YES1: variants seen among roughly 807,000 people sequenced by gnomAD.
The protein encoded by YES1 is tyrosine-protein kinase Yes.
Under a neutral mutation model 70.4 loss-of-function variants are expected in YES1, and 39 were observed. The ratio of observed to expected loss-of-function variants is 0.55; its 90% CI spans 0.43 to 0.72. The LOEUF is 0.72. Ranked by LOEUF, YES1 falls within the 30% of genes least tolerant of loss-of-function variation. The pLI, the probability that YES1 is intolerant of heterozygous loss-of-function variation, is 0.00. For missense variants in YES1, 495 were observed against 644.8 expected (o/e 0.77, Z 2.52); for synonymous variants, 198 against 218.6 (o/e 0.91, Z 0.83).
chr18:788,968 C>T (rs1906103305), intron 1 of YES1, among the ~76,000 whole-genome samples: 2 of 152,030 alleles, frequency 1.3e-5, no homozygotes, highest in South Asian at 4.2e-4. Flanking sequence ...TTGCTCAGAG[C>T]ATGTAAAAAG....
At chr18:762,623 T>C (rs1598915449) in intron 1 of YES1, among the ~76,000 whole-genome samples, 1 of 152,202 alleles carries the variant, frequency 6.6e-6, no homozygotes, top group South Asian at 2.1e-4. Context: ...ATAACATACA[T>C]TATGGGATTA....
intron 1 of YES1, among the ~76,000 whole-genome samples, chr18:788,296 G>C (rs1906068770): frequency 6.6e-6 from 1 of 152,000 alleles, no homozygotes; most frequent in African/African-American, 2.4e-5. Flanking sequence ...CTTTTAGCGT[G>C]GGCTATAAAA....
intron 1 of YES1, among the ~76,000 whole-genome samples, chr18:803,443 A>G (rs1446463227): frequency 1.3e-5 from 2 of 152,236 alleles, no homozygotes; most frequent in Non-Finnish European, 2.9e-5. Flanking sequence ...AAGAAGTTAC[A>G]AACTCCATAT....
chr18:802,342 T>A lies in YES1; in HGVS notation c.-9+9772A>T, dbSNP rs142458568. ...CAGCACTCTGGGAGGCCAAGGCAGG[T>A]GGATCACCTGAGGTCGGGAGTTCCA... On this transcript the variant is annotated intron_variant, in intron 1 of 11. Coordinates refer to ENST00000314574, the MANE Select transcript of YES1 (RefSeq NM_005433.4). Among the ~76,000 whole-genome samples, 686 of 152,072 alleles carry A rather than the reference T, an allele frequency of 4.5e-3. 4 individuals are homozygous for A. Among genetic ancestry groups the A allele is most frequent in the African/African-American group, 0.016 (655 of 41,478 alleles).
chr18:787,435 C>A (rs748767422), intron 1 of YES1, among the ~76,000 whole-genome samples: 1 of 151,816 alleles, frequency 6.6e-6, no homozygotes, highest in African/African-American at 2.4e-5. Flanking sequence ...TTGGGCTGGG[C>A]GCGGTGGCTC....
intron 11 of YES1, 57 bp from the exon 12 acceptor site, chr18:724,689 CA>C (rs1253383584): frequency 1.6e-5 from 23 of 1,402,100 alleles, no homozygotes; most frequent in Non-Finnish European, 2.2e-5. Flanking sequence ...ACTAGGAAAA[CA>C]TAACAAACCC....
chr18:765,714 A>G (rs183593079), intron 1 of YES1, among the ~76,000 whole-genome samples: 1 of 152,288 alleles, frequency 6.6e-6, no homozygotes, highest in African/African-American at 2.4e-5. Context: ...ACACTTTTTA[A>G]TAAGGAGTAA....
intron 11 of YES1, among the ~76,000 whole-genome samples, chr18:727,146 A>G (rs2080030650): frequency 6.6e-6 from 1 of 152,150 alleles, no homozygotes; most frequent in African/African-American, 2.4e-5. Flanking sequence ...ATAAATTTTT[A>G]TGCATTTTGA....
At chr18:737,074 G>C (rs2080162472) in intron 9 of YES1, 113 bp from the exon 10 acceptor site, 1 of 892,856 alleles carries the variant, frequency 1.1e-6, no homozygotes, top group African/African-American at 1.7e-5. Flanking sequence ...ATTTTAGAAG[G>C]AGATGATGGT....
At chr18:764,681 A>G (rs937696089) in intron 1 of YES1, among the ~76,000 whole-genome samples, 5 of 152,312 alleles carry the variant, frequency 3.3e-5, no homozygotes, top group Non-Finnish European at 7.3e-5. Flanking sequence ...AAAAGATGGA[A>G]GCCAGAGATA....
chr18:799,903 C>T (rs781057206), intron 1 of YES1, among the ~76,000 whole-genome samples: 59 of 148,520 alleles, frequency 4.0e-4, no homozygotes, highest in Non-Finnish European at 6.7e-4. Flanking sequence ...CAAACAAAAA[C>T]AAAAAACAAA....
At chr18:795,278 G>A (rs1395042439) in intron 1 of YES1, among the ~76,000 whole-genome samples, 1 of 152,162 alleles carries the variant, frequency 6.6e-6, no homozygotes, top group East Asian at 1.9e-4. Context: ...AGGGTACTGA[G>A]ACATGCCATT....
intron 11 of YES1, among the ~76,000 whole-genome samples, chr18:729,414 C>A: frequency 6.6e-6 from 1 of 150,676 alleles, no homozygotes. Context: ...GACTCTGTCC[C>A]AAAAGAAAAT....
chr18:724,737 G>T (rs2079998198), intron 11 of YES1, 105 bp from the exon 12 acceptor site: 1 of 814,110 alleles, frequency 1.2e-6, no homozygotes, highest in Non-Finnish European at 1.9e-6. Context: ...ATTATTTAGT[G>T]AAACAATTCT....
chr18:804,014 G>A (rs556879255), intron 1 of YES1, among the ~76,000 whole-genome samples: 2 of 152,106 alleles, frequency 1.3e-5, no homozygotes, highest in African/African-American at 4.8e-5. Flanking sequence ...TCAGAACACT[G>A]TAATTTTAGT....
intron 1 of YES1, among the ~76,000 whole-genome samples, chr18:788,417 A>G (rs1298694514): frequency 1.3e-5 from 2 of 152,190 alleles, no homozygotes; most frequent in African/African-American, 4.8e-5. Flanking sequence ...CAACCCTAAA[A>G]TCATTGTTTA....
At chr18:774,909 A>C (rs1001447361) in intron 1 of YES1, 3 of 152,214 alleles carry the variant, frequency 2.0e-5, no homozygotes, top group Non-Finnish European at 4.4e-5. Context: ...CTGTGCCCCA[A>C]CTTGCCTCAC....
intron 6 of YES1, among the ~76,000 whole-genome samples, 172 bp from the exon 7 acceptor site, chr18:743,587 A>T (rs1370461579): frequency 6.6e-6 from 1 of 152,214 alleles, no homozygotes; most frequent in African/African-American, 2.4e-5. Flanking sequence ...AAAACATGAA[A>T]TATACATAAG....
intron 1 of YES1, among the ~76,000 whole-genome samples, chr18:776,055 G>A (rs1905365654): frequency 6.6e-6 from 1 of 152,112 alleles, no homozygotes; most frequent in Non-Finnish European, 1.5e-5. Context: ...ATATTCTACT[G>A]GATGTAACCT....
Sources: allele counts gnomAD v4.1 joint callset (sites outside exome capture counted in the v4.1 genomes callset), GRCh38; gene constraint gnomAD v4.1.1; transcripts MANE v1.5; gene names NCBI Gene and HGNC (gene_info 2026-07-23, HGNC 2026-07-21).